The following SOX5 variants were observed in gnomAD, a reference collection of about 807,000 sequenced individuals.
The protein encoded by SOX5 is SRY-box transcription factor 5.
SOX5 carries 9 observed loss-of-function variants against 92.0 expected under a neutral mutation model. The observed-to-expected ratio is 0.10, with a 90% CI of 0.06 to 0.17. The LOEUF is 0.17. Ranked by LOEUF, SOX5 falls within the 10% of genes least tolerant of loss-of-function variation. SOX5 has a pLI of 1.00. For synonymous variants in SOX5, 344 were observed against 336.3 expected, an observed-to-expected ratio of 1.02 and a Z score of -0.25; for missense variants, 642 against 944.5, an observed-to-expected ratio of 0.68 and a Z score of 4.20.
At position 24,243,392 on chromosome 12, in the gene SOX5, G is replaced by T. The variant is rs75874359; in HGVS notation, c.-76-29975C>A. On this transcript the variant is annotated intron_variant, in intron 3 of 4. Coordinates refer to the SOX5 transcript ENST00000446891. ...ATGTATAAATAACATTCCAATTAGGGTAATGACAGTATTTTCTGTCTTGTA... is the reference window on the plus strand; with the variant it reads ...ATGTATAAATAACATTCCAATTAGGTTAATGACAGTATTTTCTGTCTTGTA... 3.3e-3 allele frequency among the ~76,000 whole-genome samples: 500 copies of T among 152,140 alleles called. 5 individuals carry two copies. The highest frequency in any genetic ancestry group is 0.012 in the African/African-American group (485 of 41,532).
chr12:24,290,691 C>T lies in SOX5; in HGVS notation c.-173-13379G>A, dbSNP rs535760758. ...ATAAAGGCATGGTCCCTGCTCCTGACGGACTCACGCTATAAAGAGGGAGAG... is the reference window on the plus strand; with the variant it reads ...ATAAAGGCATGGTCCCTGCTCCTGATGGACTCACGCTATAAAGAGGGAGAG... On this transcript the variant is annotated intron_variant, in intron 2 of 4. Transcript: ENST00000446891. 1.4e-3 allele frequency among the ~76,000 whole-genome samples: 216 copies of T among 152,252 alleles called. 1 individual carries two copies. Among genetic ancestry groups the T allele is most frequent in the African/African-American group, 4.8e-3 (200 of 41,532 alleles).
chr12:23,610,754 TATC>T (rs2075851947), intron 8 of SOX5, among the ~76,000 whole-genome samples: 1 of 152,090 alleles, frequency 6.6e-6, no homozygotes, highest in African/African-American at 2.4e-5. Flanking sequence ...ATTTAAATCT[TATC>T]AGCATAAGAA....
intron 4 of SOX5, among the ~76,000 whole-genome samples, chr12:24,098,889 G>T (rs1945744246): frequency 1.3e-5 from 2 of 152,100 alleles, no homozygotes; most frequent in South Asian, 4.1e-4. Flanking sequence ...TATCTTATGT[G>T]CCCTCCACCC....
intron 4 of SOX5, among the ~76,000 whole-genome samples, chr12:24,075,846 T>A (rs907089864): frequency 1.3e-5 from 2 of 152,162 alleles, no homozygotes; most frequent in African/African-American, 4.8e-5. Flanking sequence ...TAACACATAA[T>A]GTAATGCAAA....
chr12:24,333,005 G>C lies in SOX5; in HGVS notation c.-174+35558C>G, dbSNP rs145312345. Among the ~76,000 whole-genome samples the C allele has an allele frequency of 4.4e-4, 67 of 152,080 alleles. No individual in the cohort carries two copies. In the East Asian group the frequency reaches 4.6e-3, roughly 10 times the overall value. On this transcript the variant is annotated intron_variant, in intron 2 of 4. Transcript: ENST00000446891. Reference sequence around the variant, plus strand: ...ATGATTGGTTTACCAAGAAACAGTGGTTCAATTTGCTTAAAGATTTTTGGA... The same window carrying C: ...ATGATTGGTTTACCAAGAAACAGTGCTTCAATTTGCTTAAAGATTTTTGGA...
intron 1 of SOX5, among the ~76,000 whole-genome samples, chr12:24,396,259 G>A (rs564671826): frequency 3.9e-5 from 6 of 152,218 alleles, no homozygotes; most frequent in South Asian, 2.1e-4. Flanking sequence ...CCTGCTCCTC[G>A]TCCTTCATTG....
At chr12:23,553,070 A>G (rs934575653) in intron 11 of SOX5, among the ~76,000 whole-genome samples, 5 of 151,990 alleles carry the variant, frequency 3.3e-5, no homozygotes, top group African/African-American at 1.2e-4. Context: ...TCATATTTTT[A>G]TACTTTCTCT....
intron 4 of SOX5, among the ~76,000 whole-genome samples, chr12:23,958,833 A>AC (rs1450372933): frequency 6.6e-6 from 1 of 151,750 alleles, no homozygotes. Flanking sequence ...TCAATTTAAA[A>AC]CCCCCAGAAA....
intron 12 of SOX5, among the ~76,000 whole-genome samples, chr12:23,545,188 T>C (rs796937589): frequency 9.2e-5 from 14 of 152,152 alleles, no homozygotes; most frequent in African/African-American, 3.1e-4. Context: ...AACAGTTGTG[T>C]ATATTGGAGG....
intron 3 of SOX5, among the ~76,000 whole-genome samples, chr12:24,270,146 C>T (rs1943539464): frequency 6.6e-6 from 1 of 152,050 alleles, no homozygotes; most frequent in African/African-American, 2.4e-5. Context: ...ACTGCAACCT[C>T]CACCTCCCGG....
intron 3 of SOX5, among the ~76,000 whole-genome samples, chr12:23,782,174 A>G (rs893350755): frequency 3.9e-5 from 6 of 152,118 alleles, no homozygotes; most frequent in African/African-American, 1.4e-4. Context: ...CTATAGAGCT[A>G]TAAGTATTTA....
At chr12:24,019,274 T>C (rs1423490511) in intron 4 of SOX5, among the ~76,000 whole-genome samples, 1 of 152,136 alleles carries the variant, frequency 6.6e-6, no homozygotes, top group African/African-American at 2.4e-5. Context: ...TGCCCAAATA[T>C]AATGCATTGA....
At chr12:24,011,429 A>T (rs11047207) in intron 4 of SOX5, among the ~76,000 whole-genome samples, 47,366 of 152,104 alleles carry the variant, frequency 0.31, 9,205 homozygotes, top group East Asian at 0.63. Context: ...CATTGTGACT[A>T]AAATTTTCCT....
chr12:24,546,901 G>A (rs563840258), intron 1 of SOX5, among the ~76,000 whole-genome samples: 3 of 152,310 alleles, frequency 2.0e-5, no homozygotes, highest in African/African-American at 7.2e-5. Flanking sequence ...AGAACTTCCA[G>A]TAAAACTTTG....
intron 2 of SOX5, among the ~76,000 whole-genome samples, chr12:23,877,802 ATAT>A (rs1288079651): frequency 2.6e-5 from 4 of 152,070 alleles, no homozygotes; most frequent in African/African-American, 9.6e-5. Context: ...ATGCTAGTAT[ATAT>A]TATAATAATT....
At chr12:24,256,787 C>A (rs1941269655) in intron 3 of SOX5, among the ~76,000 whole-genome samples, 2 of 152,162 alleles carry the variant, frequency 1.3e-5, no homozygotes, top group South Asian at 4.1e-4. Flanking sequence ...AGAGCATAAA[C>A]CGACGAAAAC....
chr12:23,641,195 C>T (rs1054511011), intron 7 of SOX5, among the ~76,000 whole-genome samples: 5 of 151,630 alleles, frequency 3.3e-5, no homozygotes, highest in African/African-American at 9.7e-5. Context: ...AACACACACG[C>T]GCGTGCACAC....
At chr12:23,719,788 C>CAA (rs33914230) in intron 6 of SOX5, among the ~76,000 whole-genome samples, 8,944 of 63,990 alleles carry the variant, frequency 0.14, 752 homozygotes, top group African/African-American at 0.28. Flanking sequence ...AGCTATTTAC[C>CAA]AAAAAAAAAA....
chr12:24,557,298 G>A (rs1162564495), intron 1 of SOX5, among the ~76,000 whole-genome samples: 1 of 151,224 alleles, frequency 6.6e-6, no homozygotes, highest in Non-Finnish European at 1.5e-5. Flanking sequence ...TGAGGCACAA[G>A]AATCCCTTGA....
Sources: gnomAD v4.1 joint callset for allele counts (sites outside exome capture counted in the v4.1 genomes callset) on GRCh38, gnomAD v4.1.1 for gene constraint, MANE v1.5 for transcripts, NCBI Gene and HGNC (gene_info 2026-07-23, HGNC 2026-07-21) for gene names.